The following DAAM2 variants were observed in gnomAD, a reference collection of about 807,000 sequenced individuals.
The protein encoded by DAAM2 is dishevelled associated activator of morphogenesis 2.
DAAM2 carries 39 observed loss-of-function variants against 120.7 expected under a neutral mutation model. That is an observed-to-expected ratio of 0.32 (90% CI 0.25 to 0.42). The LOEUF (loss-of-function observed/expected upper bound fraction) is 0.42. Ranked by LOEUF, DAAM2 falls within the 10% of genes least tolerant of loss-of-function variation. The pLI is 1.00. For missense variants in DAAM2, 1,283 were observed against 1,401.7 expected, an observed-to-expected ratio of 0.92 and a Z score of 1.35; for synonymous variants, 488 against 524.9, an observed-to-expected ratio of 0.93 and a Z score of 0.96.
intron 3 of DAAM2, 185 bp downstream of exon 3, chr6:39,861,202 G>A: frequency 1.5e-6 from 1 of 680,530 alleles, no homozygotes; most frequent in Non-Finnish European, 2.7e-6. Context: ...TACACTCAAA[G>A]AAATAGGATT....
chr6:39,867,431 C>G (rs1197550580), intron 5 of DAAM2, 79 bp from the exon 6 acceptor site: 1 of 1,395,332 alleles, frequency 7.2e-7, no homozygotes, highest in African/African-American at 1.4e-5. Flanking sequence ...TGGTGGTACA[C>G]AGGTAAGGGG....
At chr6:39,894,561 G>T (rs1027058594) in intron 19 of DAAM2, among the ~76,000 whole-genome samples, 1 of 137,786 alleles carries the variant, frequency 7.3e-6, no homozygotes, top group Non-Finnish European at 1.5e-5. Context: ...CTCTCTAAAG[G>T]TCAAACCCAT....
At chr6:39,792,515 G>A (rs1005800438) in intron 1 of DAAM2, 50 bp downstream of exon 1, 1 of 152,124 alleles carries the variant, frequency 6.6e-6, no homozygotes, top group East Asian at 1.9e-4. Context: ...CGGGCCGCGG[G>A]GAGCCCTCTC....
intron 19 of DAAM2, among the ~76,000 whole-genome samples, chr6:39,894,577 C>A (rs545721790): frequency 6.8e-6 from 1 of 147,422 alleles, no homozygotes; most frequent in South Asian, 2.2e-4. Flanking sequence ...CCCATCTTGA[C>A]TGCTAGTTTA....
At chr6:39,830,952 G>A (rs1012381443) in intron 1 of DAAM2, among the ~76,000 whole-genome samples, 3 of 152,164 alleles carry the variant, frequency 2.0e-5, no homozygotes, top group Non-Finnish European at 2.9e-5. Context: ...ACCAAGGACC[G>A]GAGTGGGCAT....
Position 39,873,218 on chromosome 6 carries a change from T to G in DAAM2, c.1045-20T>G. 2 of 1,525,602 alleles carry G rather than the reference T, an allele frequency of 1.3e-6. No individual in the cohort carries two copies. The highest frequency in any genetic ancestry group is 1.8e-6 in the Non-Finnish European group (2 of 1,105,036). 94.5% of individuals were successfully genotyped at this position (1,525,602 alleles called of 1,614,324 possible). ...CCTCTGCTGCCTACCCACTGATCAC[T>G]GTGCCCTCTTCTCTCCCAGGTCCAC... On this transcript the variant is annotated intron_variant, in intron 9 of 24. Coordinates refer to ENST00000274867, the MANE Select transcript of DAAM2 (RefSeq NM_001201427.2).
At chr6:39,815,226 T>C (rs1762273265) in intron 1 of DAAM2, among the ~76,000 whole-genome samples, 1 of 152,164 alleles carries the variant, frequency 6.6e-6, no homozygotes, top group Non-Finnish European at 1.5e-5. Flanking sequence ...CCAAAATAAG[T>C]GGTGGTGGCT....
At position 39,867,570 on chromosome 6, in the gene DAAM2, C is replaced by T. The variant is rs1562038338; in HGVS notation, c.489C>T (p.Ser163=). The T allele has an allele frequency of 3.1e-6, 5 of 1,614,048 alleles. No individual in the cohort carries two copies. The highest frequency in any genetic ancestry group is 4.2e-6 in the Non-Finnish European group (5 of 1,179,908). ...CCTGTCTGCTAAATTTCCTCCGGAGCATGGACCACGCCACCTGTGAGAGCC... is the reference window on the plus strand; with the variant it reads ...CCTGTCTGCTAAATTTCCTCCGGAGTATGGACCACGCCACCTGTGAGAGCC... ...GLTCLLNFLR[S]MDHATCESRI... The change falls in exon 6 of 25, where the codon AGC becomes AGT. Residue 163 remains serine, a synonymous_variant. Transcript: ENST00000274867.
intron 2 of DAAM2, among the ~76,000 whole-genome samples, chr6:39,858,043 C>T (rs1764075216): frequency 6.6e-6 from 1 of 151,934 alleles, no homozygotes; most frequent in Non-Finnish European, 1.5e-5. Flanking sequence ...GTGACATTTC[C>T]ACCGAGATGA....
intron 7 of DAAM2, among the ~76,000 whole-genome samples, chr6:39,869,621 G>T (rs1034325036): frequency 2.0e-5 from 3 of 151,904 alleles, no homozygotes; most frequent in Non-Finnish European, 4.4e-5. Context: ...AACAATAGAA[G>T]AACTTGAAGA....
chr6:39,893,083 CAT>C (rs1410050347), intron 19 of DAAM2, among the ~76,000 whole-genome samples: 25 of 152,382 alleles, frequency 1.6e-4, no homozygotes, highest in Admixed American at 2.0e-4. Flanking sequence ...CAGCCCAAGA[CAT>C]GTGTGCACAA....
chr6:39,852,862 G>A (rs922198392), intron 1 of DAAM2, among the ~76,000 whole-genome samples: 5 of 152,156 alleles, frequency 3.3e-5, no homozygotes, highest in Admixed American at 2.0e-4. Flanking sequence ...GAGCAGGAGC[G>A]GGTGAGGAAT....
chr6:39,829,025 A>G (rs941597624), intron 1 of DAAM2, among the ~76,000 whole-genome samples: 8 of 152,264 alleles, frequency 5.3e-5, no homozygotes, highest in African/African-American at 1.9e-4. Flanking sequence ...TATTGGCTGC[A>G]TGAATGAATA....
In DAAM2 at chr6:39,888,738, A is replaced by G; in HGVS notation, c.2120A>G (p.Asp707Gly). The change falls in exon 17 of 25, where the codon GAC becomes GGC. Residue 707 changes from aspartate to glycine, a missense_variant. Transcript: ENST00000274867. ...QAILKMDEQE[D>G]LAKDMLEQLL... ...ATCTTGAAGATGGATGAGCAGGAGG[A>G]CCTTGCTAAGGACATGCTGGAGCAG... 6.2e-7 allele frequency: 1 copy of G among 1,613,046 alleles called. No individual in the cohort carries two copies. Among genetic ancestry groups the G allele is most frequent in the Non-Finnish European group, 8.5e-7 (1 of 1,179,450 alleles).
At chr6:39,798,631 C>T (rs889227315) in intron 1 of DAAM2, among the ~76,000 whole-genome samples, 1 of 152,106 alleles carries the variant, frequency 6.6e-6, no homozygotes, top group Non-Finnish European at 1.5e-5. Context: ...CCAGCAATCC[C>T]CATCAGTCCT....
chr6:39,845,815 G>A (rs761181197), intron 1 of DAAM2, among the ~76,000 whole-genome samples: 1 of 151,792 alleles, frequency 6.6e-6, no homozygotes, highest in African/African-American at 2.4e-5. Flanking sequence ...TTGCCATCTC[G>A]TCTGCCTCTA....
intron 1 of DAAM2, among the ~76,000 whole-genome samples, chr6:39,805,942 G>A (rs1430529966): frequency 6.6e-6 from 1 of 152,192 alleles, no homozygotes; most frequent in African/African-American, 2.4e-5. Flanking sequence ...AGAAAATTCA[G>A]TGTGGAAGAA....
chr6:39,878,372 C>A lies in DAAM2; in HGVS notation c.1361-32C>A. 6.2e-7 allele frequency: 1 copy of A among 1,609,456 alleles called. No homozygotes were observed. The highest frequency in any genetic ancestry group is 1.3e-5 in the African/African-American group (1 of 74,962). ...GTCACATTACTCACATTCTCTCCTT[C>A]TGTTTCCTCTCCCGTCCCACCCCCA... On this transcript the variant is annotated intron_variant, in intron 12 of 24. Transcript: ENST00000274867. This position sits in a 1 kb window ranked among gnomAD's most constrained non-coding sequence, Gnocchi z 5.0.
intron 3 of DAAM2, chr6:39,862,763 C>A (rs1562034412): frequency 7.8e-6 from 1 of 127,614 alleles, no homozygotes. Context: ...CGAGATCATG[C>A]CATTGCACTC....
Sources: allele counts gnomAD v4.1 joint callset (sites outside exome capture counted in the v4.1 genomes callset), GRCh38; gene constraint gnomAD v4.1.1; non-coding constraint Gnocchi (gnomAD v3.1); transcripts MANE v1.5; gene names NCBI Gene and HGNC (gene_info 2026-07-23, HGNC 2026-07-21).